Variants in PRKG1 observed in about 807,000 individuals in gnomAD.
The protein encoded by PRKG1 is cGMP-dependent protein kinase 1.
Under a neutral mutation model 88.1 loss-of-function variants are expected in PRKG1, and 35 were observed. That is an observed-to-expected ratio of 0.40 (90% CI 0.30 to 0.53). The LOEUF is 0.53. PRKG1 is among the 20% of genes least tolerant of loss of function. PRKG1 has a pLI of 0.59. For missense variants in PRKG1, 540 were observed against 839.8 expected (o/e 0.64, Z 4.41); for synonymous variants, 303 against 292.5 (o/e 1.04, Z -0.37).
At chr10:51,919,915 CAATAAAT>C (rs1202395344) in intron 5 of PRKG1, among the ~76,000 whole-genome samples, 4 of 152,102 alleles carry the variant, frequency 2.6e-5, no homozygotes, top group Admixed American at 2.0e-4. Flanking sequence ...ATTAAATAAA[CAATAAAT>C]ATTTGTTGAA....
At chr10:51,085,871 A>C (rs1165231176) in intron 1 of PRKG1, among the ~76,000 whole-genome samples, 1 of 152,220 alleles carries the variant, frequency 6.6e-6, no homozygotes, top group Non-Finnish European at 1.5e-5. Context: ...TTTAGAAATA[A>C]TGTGAAAGAA....
intron 9 of PRKG1, among the ~76,000 whole-genome samples, chr10:52,190,173 A>G (rs1302060033): frequency 1.3e-5 from 2 of 152,218 alleles, no homozygotes; most frequent in South Asian, 2.1e-4. Flanking sequence ...TTTTTAAGCA[A>G]TAGAATGAAA....
chr10:51,004,946 A>C (rs374512234), intron 1 of PRKG1, among the ~76,000 whole-genome samples: 1 of 152,152 alleles, frequency 6.6e-6, no homozygotes, highest in South Asian at 2.1e-4. Context: ...TCTCTCAGCT[A>C]CTTTTTTTTC....
chr10:52,068,167 C>T lies in PRKG1; in HGVS notation c.935+5536C>T, dbSNP rs1307060873. ...GCAGTGAGTCGAGATCGCGCCACTG[C>T]ACTCCAGCCTGGGCGACAGAGCGAA... is the stretch of plus-strand genomic sequence containing the variant. On this transcript the variant is annotated intron_variant, in intron 7 of 17. Transcript: ENST00000373980. Among the ~76,000 whole-genome samples the T allele has an allele frequency of 1.5e-5, 2 of 135,650 alleles. 1 individual carries two copies. Among genetic ancestry groups the T allele is most frequent in the African/African-American group, 5.6e-5 (2 of 35,564 alleles). The allele number at this position is 135,650 out of a possible 152,430, so 89.0% of individuals were successfully genotyped here.
At chr10:51,727,745 G>A (rs1159032338) in intron 3 of PRKG1, among the ~76,000 whole-genome samples, 3 of 151,914 alleles carry the variant, frequency 2.0e-5, no homozygotes, top group African/African-American at 7.3e-5. Context: ...TTGGATGAGG[G>A]GTAAATGACT....
At chr10:51,127,972 A>T (rs1845473293) in intron 1 of PRKG1, among the ~76,000 whole-genome samples, 1 of 152,058 alleles carries the variant, frequency 6.6e-6, no homozygotes, top group African/African-American at 2.4e-5. Flanking sequence ...GTGGGGGGCA[A>T]GGGAAGGGAG....
chr10:51,001,747 C>T (rs557131309), intron 1 of PRKG1, among the ~76,000 whole-genome samples: 13 of 152,014 alleles, frequency 8.6e-5, no homozygotes, highest in African/African-American at 2.9e-4. Context: ...AGAGGTGGTA[C>T]GGTGGGGAGA....
intron 4 of PRKG1, among the ~76,000 whole-genome samples, chr10:51,903,620 C>T (rs1295067487): frequency 6.6e-6 from 1 of 150,912 alleles, no homozygotes; most frequent in Non-Finnish European, 1.5e-5. Context: ...CTTTATTATT[C>T]CAGACTTTCA....
intron 1 of PRKG1, among the ~76,000 whole-genome samples, chr10:51,047,171 C>G (rs1843500568): frequency 6.6e-6 from 1 of 152,118 alleles, no homozygotes; most frequent in Admixed American, 6.6e-5. Flanking sequence ...GTGAGAGCCT[C>G]AAGGTCTGTA....
At chr10:51,253,585 A>G (rs1338596092) in intron 2 of PRKG1, among the ~76,000 whole-genome samples, 2 of 151,894 alleles carry the variant, frequency 1.3e-5, no homozygotes, top group Non-Finnish European at 2.9e-5. Flanking sequence ...TACTTTCTGA[A>G]TCCGATCAGC....
At chr10:51,643,769 A>T (rs1839854564) in intron 3 of PRKG1, among the ~76,000 whole-genome samples, 1 of 152,218 alleles carries the variant, frequency 6.6e-6, no homozygotes, top group Non-Finnish European at 1.5e-5. Context: ...AATGCTGCTG[A>T]CAAAAACAAA....
At chr10:51,618,049 C>A (rs190075491) in intron 3 of PRKG1, among the ~76,000 whole-genome samples, 11 of 152,286 alleles carry the variant, frequency 7.2e-5, no homozygotes, top group Admixed American at 5.2e-4. Flanking sequence ...GTATCTGTCC[C>A]AAGAGAAGGT....
chr10:51,025,106 A>G (rs1374381403), intron 1 of PRKG1, among the ~76,000 whole-genome samples: 1 of 152,176 alleles, frequency 6.6e-6, no homozygotes, highest in Non-Finnish European at 1.5e-5. Context: ...CTTGCTCCAT[A>G]GACTTGTTCT....
At chr10:51,677,911 A>C (rs946373107) in intron 3 of PRKG1, among the ~76,000 whole-genome samples, 3 of 152,194 alleles carry the variant, frequency 2.0e-5, no homozygotes, top group Non-Finnish European at 4.4e-5. Context: ...TTTTGGTTTC[A>C]TGGTCAACCT....
At chr10:51,043,352 G>A (rs1387546897) in intron 1 of PRKG1, among the ~76,000 whole-genome samples, 4 of 152,054 alleles carry the variant, frequency 2.6e-5, no homozygotes, top group Admixed American at 6.6e-5. Flanking sequence ...ATTTATTCCT[G>A]TGCCGTGCCC....
chr10:51,731,530 C>T (rs960863763), intron 3 of PRKG1, among the ~76,000 whole-genome samples: 6 of 152,120 alleles, frequency 3.9e-5, no homozygotes, highest in Admixed American at 6.5e-5. Context: ...AAAATTTAGC[C>T]GTTAAAATAT....
At chr10:51,472,642 T>C (rs1210443346) in intron 3 of PRKG1, among the ~76,000 whole-genome samples, 3 of 151,926 alleles carry the variant, frequency 2.0e-5, no homozygotes, top group South Asian at 2.1e-4. Context: ...GAAAATATCA[T>C]TGTAGAGCAC....
At chr10:51,448,553 T>G (rs1202097804) in intron 2 of PRKG1, among the ~76,000 whole-genome samples, 1 of 152,082 alleles carries the variant, frequency 6.6e-6, no homozygotes, top group Non-Finnish European at 1.5e-5. Context: ...CCTTATTCAT[T>G]TATTCAACTA....
chr10:51,528,317 G>A (rs1247239220), intron 3 of PRKG1, among the ~76,000 whole-genome samples: 3 of 152,120 alleles, frequency 2.0e-5, no homozygotes, highest in Admixed American at 6.5e-5. Flanking sequence ...ATATTAGAAA[G>A]TCAGTTGATT....
Sources: allele counts gnomAD v4.1 joint callset (sites outside exome capture counted in the v4.1 genomes callset), GRCh38; gene constraint gnomAD v4.1.1; transcripts MANE v1.5; gene names NCBI Gene and HGNC (gene_info 2026-07-23, HGNC 2026-07-21).